Variants in THSD4 observed in about 807,000 individuals in gnomAD.
The protein encoded by THSD4 is thrombospondin type-1 domain-containing protein 4.
THSD4 carries 69 observed loss-of-function variants against 119.0 expected under a neutral mutation model. The ratio of observed to expected loss-of-function variants is 0.58; its 90% CI spans 0.48 to 0.71. The LOEUF is 0.71. THSD4 is among the 30% of genes least tolerant of loss of function. The probability of loss-of-function intolerance (pLI) is 0.00; values close to 1 mark genes in which losing one functional copy is unlikely to be tolerated. For missense variants in THSD4, 1,393 were observed against 1,391.1 expected (o/e 1.00, Z -0.02); for synonymous variants, 524 against 540.4 (o/e 0.97, Z 0.42).
Position 71,462,675 on chromosome 15 carries a change from T to A in THSD4, c.1152+50852T>A, listed in dbSNP as rs541162997. 1.9e-3 allele frequency among the ~76,000 whole-genome samples: 297 copies of A among 152,352 alleles called. 17 individuals are homozygous for A. In the South Asian group the frequency reaches 0.06, roughly 31 times the overall value. ...ATTCTCTCTGGAGTAAAACCAAATGTGAAATTTCTTCAAATATTTGAAAAC... is the reference window on the plus strand; with the variant it reads ...ATTCTCTCTGGAGTAAAACCAAATGAGAAATTTCTTCAAATATTTGAAAAC... On this transcript the variant is annotated intron_variant, in intron 7 of 17. Transcript: ENST00000261862.
rs377106388 is a variant in THSD4, at chr15:71,678,422, C to G, written c.1357+17688C>G. Among the ~76,000 whole-genome samples, 6 of 152,182 alleles carry G rather than the reference C, an allele frequency of 3.9e-5. No homozygotes were observed. In the East Asian group the frequency reaches 9.6e-4, roughly 24 times the overall value. On this transcript the variant is annotated intron_variant, in intron 8 of 17. Coordinates refer to ENST00000261862, the MANE Select transcript of THSD4 (RefSeq NM_024817.3). ...TCTCACTGGGAGCCTCTCTTCCTTCCTCGTGAGCATCAGAGCTTCAGAAAT... is the reference window on the plus strand; with the variant it reads ...TCTCACTGGGAGCCTCTCTTCCTTCGTCGTGAGCATCAGAGCTTCAGAAAT...
Position 71,530,599 on chromosome 15 carries a change from T to TA in THSD4, c.1152+118778dup, listed in dbSNP as rs34775287. 0.041 allele frequency among the ~76,000 whole-genome samples: 6,179 copies of TA among 152,182 alleles called. 801 individuals are homozygous for TA. The East Asian group carries it at 0.47, about 12-fold the overall frequency. ...AAAGATGGTAATATACACATCTATT[T>TA]AATATGGTATCAGCTGACATCTCAG... On this transcript the variant is annotated intron_variant, in intron 7 of 17. Transcript: ENST00000261862.
chr15:71,534,999 C>G (rs2048669680), intron 7 of THSD4, among the ~76,000 whole-genome samples: 1 of 152,160 alleles, frequency 6.6e-6, no homozygotes. Flanking sequence ...ATTTATACAT[C>G]ATCCAATTCA....
intron 7 of THSD4, among the ~76,000 whole-genome samples, chr15:71,439,844 C>A (rs1401603026): frequency 6.6e-6 from 1 of 152,064 alleles, no homozygotes; most frequent in East Asian, 1.9e-4. Flanking sequence ...AGGGGAACAT[C>A]ACATACTGGG....
At chr15:71,738,097 G>C in intron 11 of THSD4, 90 bp downstream of exon 11, 1 of 1,513,836 alleles carries the variant, frequency 6.6e-7, no homozygotes, top group Non-Finnish European at 8.9e-7. Context: ...CGGCTTTTTT[G>C]GCACCAGGGA....
intron 6 of THSD4, among the ~76,000 whole-genome samples, chr15:71,270,742 G>T (rs2044518651): frequency 6.6e-6 from 1 of 151,496 alleles, no homozygotes; most frequent in African/African-American, 2.4e-5. Flanking sequence ...ATCAGAAGAG[G>T]TCAAGGGAAA....
chr15:71,448,135 G>A (rs1246743358), intron 7 of THSD4, among the ~76,000 whole-genome samples: 2 of 152,152 alleles, frequency 1.3e-5, no homozygotes, highest in East Asian at 1.9e-4. Flanking sequence ...TTCTTGTTCT[G>A]TCTGCCTGCT....
At chr15:71,316,492 G>A (rs28475106) in intron 6 of THSD4, among the ~76,000 whole-genome samples, 27,182 of 152,124 alleles carry the variant, frequency 0.18, 2,394 homozygotes, top group South Asian at 0.29. Flanking sequence ...GTCTACCTTT[G>A]TTTAGGGTGA....
At position 71,720,698 on chromosome 15, in the gene THSD4, A is replaced by C. The variant is rs1037608185; in HGVS notation, c.1358-7851A>C. The stretch of plus-strand genomic sequence containing the variant: ...CTGAGACCCATTTGGGTTCATGCCC[A>C]TGTGTGGGATTCCATGGAAGCTCAT... On this transcript the variant is annotated intron_variant, in intron 8 of 17. Transcript: ENST00000261862. Among the ~76,000 whole-genome samples the C allele has an allele frequency of 6.3e-4, 96 of 152,200 alleles. 2 individuals carry two copies. Among genetic ancestry groups the C allele is most frequent in the Non-Finnish European group, 1.3e-3 (91 of 68,032 alleles).
In THSD4 at chr15:71,699,327, C is replaced by T. The variant is rs1172937146; in HGVS notation, c.1358-29222C>T. Among the ~76,000 whole-genome samples, 8 of 81,602 alleles carry T rather than the reference C, an allele frequency of 9.8e-5. 2 individuals are homozygous for T. The South Asian group carries it at 3.3e-3, about 34-fold the overall frequency. The allele number at this position is 81,602 out of a possible 152,430, so 53.5% of individuals were successfully genotyped here. ...TCCCGGGTTCACGCCATTCTCCTGC[C>T]TCAGCCTCCCAAGTAGCTGGGACTA... On this transcript the variant is annotated intron_variant, in intron 8 of 17. Coordinates refer to ENST00000261862, the MANE Select transcript of THSD4 (RefSeq NM_024817.3).
At chr15:71,701,722 T>C (rs537424086) in intron 8 of THSD4, among the ~76,000 whole-genome samples, 1 of 152,234 alleles carries the variant, frequency 6.6e-6, no homozygotes, top group African/African-American at 2.4e-5. Flanking sequence ...ACATGTGAAC[T>C]TTTATATAAT....
chr15:71,551,855 A>G (rs2048934705), intron 7 of THSD4, among the ~76,000 whole-genome samples: 1 of 152,150 alleles, frequency 6.6e-6, no homozygotes, highest in South Asian at 2.1e-4. Flanking sequence ...TTCAGCATAA[A>G]CCATATTGTC....
chr15:71,127,516 T>C (rs748444185), intron 1 of THSD4, among the ~76,000 whole-genome samples: 1 of 152,254 alleles, frequency 6.6e-6, no homozygotes, highest in Non-Finnish European at 1.5e-5. Flanking sequence ...GCTGTACTAA[T>C]TTACATTCCC....
intron 3 of THSD4, among the ~76,000 whole-genome samples, chr15:71,172,694 T>TATATATATATATATATATATATATGTGAC (rs2043385371): frequency 1.2e-5 from 1 of 84,698 alleles, no homozygotes; most frequent in Non-Finnish European, 2.2e-5. Context: ...TATATATATA[T>TATATATATATATATATATATATATGTGAC]ATATATATAT....
chr15:71,617,300 T>G lies in THSD4; in HGVS notation c.1153-43230T>G, dbSNP rs186491183. Among the ~76,000 whole-genome samples the G allele has an allele frequency of 5.9e-3, 906 of 152,324 alleles. 5 individuals carry two copies. Among genetic ancestry groups the G allele is most frequent in the Non-Finnish European group, 9.7e-3 (658 of 68,028 alleles). ...TATGTGAAATTAAACTAAAATGATT[T>G]TTTAAATATTTTAATTTTTAAATGA... is the stretch of plus-strand genomic sequence containing the variant. On this transcript the variant is annotated intron_variant, in intron 7 of 17. Coordinates refer to ENST00000261862, the MANE Select transcript of THSD4 (RefSeq NM_024817.3).
At chr15:71,143,703 T>C (rs1258360414) in intron 2 of THSD4, among the ~76,000 whole-genome samples, 12 of 139,818 alleles carry the variant, frequency 8.6e-5, no homozygotes, top group Non-Finnish European at 1.5e-5. Context: ...TTTCTTTCTT[T>C]TTTTTTTTTT....
chr15:71,120,993 C>A (rs2040404253), intron 1 of THSD4, among the ~76,000 whole-genome samples: 1 of 152,150 alleles, frequency 6.6e-6, no homozygotes, highest in Admixed American at 6.5e-5. Flanking sequence ...GATTAATTTC[C>A]CATGAAAAAG....
At chr15:71,211,978 C>T (rs931478566) in intron 3 of THSD4, among the ~76,000 whole-genome samples, 5 of 152,068 alleles carry the variant, frequency 3.3e-5, no homozygotes, top group African/African-American at 9.7e-5. Flanking sequence ...GAAAGTTGTC[C>T]CATCTTGCAT....
chr15:71,248,805 T>C (rs1346096724), intron 5 of THSD4, among the ~76,000 whole-genome samples: 1 of 152,184 alleles, frequency 6.6e-6, no homozygotes, highest in African/African-American at 2.4e-5. Context: ...TAGTCTGATA[T>C]TGAATGAAAG....
Sources: allele counts gnomAD v4.1 joint callset (sites outside exome capture counted in the v4.1 genomes callset), GRCh38; gene constraint gnomAD v4.1.1; transcripts MANE v1.5; gene names NCBI Gene and HGNC (gene_info 2026-07-23, HGNC 2026-07-21).